PLCXD1: variants seen among roughly 807,000 people sequenced by gnomAD.
PLCXD1 encodes PI-PLC X domain-containing protein 1.
PLCXD1 carries 45 observed loss-of-function variants against 37.8 expected under a neutral mutation model. The observed-to-expected ratio is 1.19, with a 90% CI of 0.94 to 1.53. PLCXD1 has a LOEUF of 1.53. Among genes scored for constraint, PLCXD1 ranks in the 40% most tolerant of loss-of-function variants. PLCXD1 has a pLI of 0.00. For synonymous variants in PLCXD1, 246 were observed against 206.9 expected, an observed-to-expected ratio of 1.19 and a Z score of -1.62; for missense variants, 539 against 454.7, an observed-to-expected ratio of 1.19 and a Z score of -1.69.
chrX:276,482 C>G (rs1361590933), upstream of PLCXD1: 2 of 152,310 alleles, frequency 1.3e-5, no homozygotes, highest in African/African-American at 4.8e-5. Context: ...GGCTGGGAAT[C>G]AGGAACCCGC....
Position 282,401 on chromosome X carries a change from A to C in PLCXD1, c.-22+717A>C, listed in dbSNP as rs1452867251. On this transcript the variant is annotated intron_variant, in intron 1 of 6. Coordinates refer to ENST00000381657, the MANE Select transcript of PLCXD1 (RefSeq NM_018390.4). ...CTGTCTTTAAAAAAAACAAAACAAA[A>C]CAAAAAAAAAACCGTACATACAGCT... Among the ~76,000 whole-genome samples, 4 of 103,418 alleles carry C rather than the reference A, an allele frequency of 3.9e-5. No homozygotes were observed. The South Asian group carries it at 7.9e-4, about 21-fold the overall frequency. 67.8% of individuals were successfully genotyped at this position (103,418 alleles called of 152,430 possible). A position where few individuals can be genotyped will look rare whatever the true frequency, so the allele number is the denominator to read the frequency against.
At chrX:281,866 G>C (rs1020799174) in intron 1 of PLCXD1, among the ~76,000 whole-genome samples, 182 bp downstream of exon 1, 8 of 152,010 alleles carry the variant, frequency 5.3e-5, no homozygotes, top group Non-Finnish European at 1.2e-4. Flanking sequence ...TCAAGCCTCA[G>C]CCTCCTGAGT....
rs369615481 is a variant in PLCXD1 at position 294,273 on chromosome X, G to C, written c.733+1055G>C. 5.9e-5 allele frequency among the ~76,000 whole-genome samples: 9 copies of C among 152,236 alleles called. No homozygotes were observed. The East Asian group carries it at 1.7e-3, about 30-fold the overall frequency. ...CGAGGCGGGCGGATCATGAGGTCAGGAGATCGAGACCATCCCGGCTAACAT... is the reference window on the plus strand; with the variant it reads ...CGAGGCGGGCGGATCATGAGGTCAGCAGATCGAGACCATCCCGGCTAACAT... On this transcript the variant is annotated intron_variant, in intron 6 of 6. Coordinates refer to ENST00000381657, the MANE Select transcript of PLCXD1 (RefSeq NM_018390.4).
chrX:277,201 G>A (rs1414959767), upstream of PLCXD1, among the ~76,000 whole-genome samples: 1 of 150,272 alleles, frequency 6.7e-6, no homozygotes, highest in Non-Finnish European at 1.5e-5. Context: ...GGGGACCTGG[G>A]GACAGGAGGG....
chrX:294,540 G>C (rs1052723652), intron 6 of PLCXD1, among the ~76,000 whole-genome samples: 1 of 151,756 alleles, frequency 6.6e-6, no homozygotes, highest in Non-Finnish European at 1.5e-5. Flanking sequence ...TGAGGCAGGA[G>C]AAATGCTTGA....
chrX:284,767 T>C (rs1455869728), intron 2 of PLCXD1, among the ~76,000 whole-genome samples: 1 of 85,372 alleles, frequency 1.2e-5, no homozygotes, highest in Admixed American at 1.0e-4. Context: ...AAAAGAGGTT[T>C]AATGGACTCA....
chrX:293,142 C>T lies in PLCXD1; in HGVS notation c.657C>T (p.Pro219=). 6.2e-7 allele frequency: 1 copy of T among 1,612,768 alleles called. No individual in the cohort carries two copies. Among genetic ancestry groups the T allele is most frequent in the Non-Finnish European group, 8.5e-7 (1 of 1,179,792 alleles). Reference sequence around the variant, plus strand: ...ACCACGAGCTGTGGCCAGGAGTCCCCTACTGGTGGGGAAACAGGGTGAAGA... The same window carrying T: ...ACCACGAGCTGTGGCCAGGAGTCCCTTACTGGTGGGGAAACAGGGTGAAGA... ...RRHHELWPGV[P]YWWGNRVKTE... Residue 219 remains proline (P), a synonymous_variant, in exon 6 of 7, where the codon CCC becomes CCT. Transcript: ENST00000381657.
chrX:295,286 C>T (rs927149719), intron 6 of PLCXD1, among the ~76,000 whole-genome samples: 8 of 152,062 alleles, frequency 5.3e-5, no homozygotes, highest in African/African-American at 1.4e-4. Context: ...CCGTGTCCTC[C>T]GGAGGCAGGA....
intron 6 of PLCXD1, 104 bp from the exon 7 acceptor site, chrX:298,993 C>G (rs886132954): frequency 4.5e-6 from 4 of 895,738 alleles, no homozygotes; most frequent in Non-Finnish European, 7.4e-6. Context: ...GTGCTTTCAA[C>G]TCTTAATTCC....
At chrX:299,059 C>T (rs759947498) in intron 6 of PLCXD1, 38 bp from the exon 7 acceptor site, 13 of 1,480,074 alleles carry the variant, frequency 8.8e-6, no homozygotes, top group South Asian at 3.4e-5. Flanking sequence ...GGGTGAGGCC[C>T]GTGACCGTGT....
chrX:291,766 T>TA lies in PLCXD1; in HGVS notation c.549+112_549+113insA. On this transcript the variant is annotated intron_variant, in intron 5 of 6. Transcript: ENST00000381657. ...GTGCTGCCATGATTCCTGTAGCAGG[T>TA]GAAGCCGTCGAACGGGGGCTGCCTG... is the stretch of plus-strand genomic sequence containing the variant. The TA allele has an allele frequency of 5.7e-6, 7 of 1,238,618 alleles. No homozygotes were observed. In the East Asian group the frequency reaches 1.6e-4, roughly 29 times the overall value. The allele number at this position is 1,238,618 out of a possible 1,614,324, so 76.7% of individuals were successfully genotyped here. A position where few individuals can be genotyped will look rare whatever the true frequency, so the allele number is the denominator to read the frequency against.
At chrX:298,515 ACG>A (rs1176226367) in intron 6 of PLCXD1, among the ~76,000 whole-genome samples, 2 of 34,544 alleles carry the variant, frequency 5.8e-5, no homozygotes, top group African/African-American at 2.1e-4. Context: ...GGGGATTAGG[ACG>A]TGGACATCTT....
At chrX:279,624 A>T (rs1473106591), upstream of PLCXD1, among the ~76,000 whole-genome samples, 4 of 152,064 alleles carry the variant, frequency 2.6e-5, no homozygotes, top group Non-Finnish European at 5.9e-5. Context: ...AATACAAAAA[A>T]TTAGCTGGGA....
chrX:280,360 G>A (rs1375387675), upstream of PLCXD1, among the ~76,000 whole-genome samples: 1 of 48,554 alleles, frequency 2.1e-5, no homozygotes, highest in Non-Finnish European at 4.2e-5. Context: ...GGGGAAGGGG[G>A]GCCGTGCAGG....
At position 297,763 on chromosome X, in the gene PLCXD1, A is replaced by G. The variant is rs752467256; in HGVS notation, c.734-1334A>G. Among the ~76,000 whole-genome samples the G allele has an allele frequency of 4.2e-4, 20 of 48,054 alleles. 5 individuals carry two copies. The highest frequency in any genetic ancestry group is 4.1e-3 in the South Asian group (7 of 1,698). 31.5% of individuals were successfully genotyped at this position (48,054 alleles called of 152,430 possible). ...CATCTTTGGGGCTGTTATTCTGTCTATCACATGGGGATTAGGACGTGGACA... is the reference window on the plus strand; with the variant it reads ...CATCTTTGGGGCTGTTATTCTGTCTGTCACATGGGGATTAGGACGTGGACA... On this transcript the variant is annotated intron_variant, in intron 6 of 6. Coordinates refer to ENST00000381657, the MANE Select transcript of PLCXD1 (RefSeq NM_018390.4).
chrX:289,763 A>C (rs1488846284), intron 3 of PLCXD1, among the ~76,000 whole-genome samples: 1 of 151,410 alleles, frequency 6.6e-6, no homozygotes, highest in South Asian at 2.1e-4. Context: ...CACCCGCCTC[A>C]GCCTCCCAAA....
At chrX:291,273 G>A (rs750889618) in intron 4 of PLCXD1, among the ~76,000 whole-genome samples, 1 of 151,970 alleles carries the variant, frequency 6.6e-6, no homozygotes, top group East Asian at 1.9e-4. Flanking sequence ...AGCCTTCCAA[G>A]TAGCTGGGAT....
chrX:285,791 T>G (rs7890186), intron 2 of PLCXD1, among the ~76,000 whole-genome samples: 102,025 of 150,864 alleles, frequency 0.68, 34,607 homozygotes, highest in Non-Finnish European at 0.72. Context: ...CCTAAGGAAA[T>G]AAACTTAGAC....
intron 6 of PLCXD1, 43 bp downstream of exon 6, chrX:293,261 C>T (rs1436262919): frequency 1.3e-6 from 2 of 1,495,348 alleles, no homozygotes; most frequent in Admixed American, 3.7e-5. Flanking sequence ...ACACAGCCTC[C>T]CGTGACGCCC....
Sources: allele counts gnomAD v4.1 joint callset (sites outside exome capture counted in the v4.1 genomes callset), GRCh38; gene constraint gnomAD v4.1.1; transcripts MANE v1.5; gene names NCBI Gene and HGNC (gene_info 2026-07-23, HGNC 2026-07-21).